The following ERBB4 variants were observed in gnomAD, a reference collection of about 807,000 sequenced individuals.
ERBB4 encodes receptor tyrosine-protein kinase erbB-4.
In ERBB4, 42 loss-of-function variants were observed where a neutral mutation model predicts 158.0. The observed-to-expected ratio is 0.27, with a 90% CI of 0.21 to 0.34. ERBB4 has a LOEUF of 0.34. Among genes scored for constraint, ERBB4 ranks in the 10% least tolerant of loss-of-function variants. The pLI, the probability that ERBB4 is intolerant of heterozygous loss-of-function variation, is 1.00. For synonymous variants in ERBB4, 583 were observed against 558.7 expected, an observed-to-expected ratio of 1.04 and a Z score of -0.61; for missense variants, 1,333 against 1,624.1, an observed-to-expected ratio of 0.82 and a Z score of 3.08.
chr2:212,340,187 C>A (rs2088638054), intron 1 of ERBB4, among the ~76,000 whole-genome samples: 1 of 151,978 alleles, frequency 6.6e-6, no homozygotes, highest in African/African-American at 2.4e-5. Context: ...AGTTGAGAGC[C>A]ACCACACCCA....
intron 1 of ERBB4, among the ~76,000 whole-genome samples, chr2:212,448,723 T>C (rs534854225): frequency 9.9e-5 from 15 of 152,134 alleles, no homozygotes; most frequent in Non-Finnish European, 1.8e-4. Flanking sequence ...TTGTTTATGA[T>C]TCAATTATTT....
intron 2 of ERBB4, among the ~76,000 whole-genome samples, chr2:212,075,964 T>C (rs2078262017): frequency 6.6e-6 from 1 of 151,936 alleles, no homozygotes; most frequent in Non-Finnish European, 1.5e-5. Flanking sequence ...GAATATGTCT[T>C]ACTTTTTTGT....
At chr2:211,390,518 T>G (rs955638303) in intron 25 of ERBB4, among the ~76,000 whole-genome samples, 1 of 152,252 alleles carries the variant, frequency 6.6e-6, no homozygotes, top group African/African-American at 2.4e-5. Flanking sequence ...TTTTGCATTT[T>G]ACAAAACCTG....
rs1491199974 is a variant in ERBB4 at position 212,446,578 on chromosome 2, C to CATAT, written c.82+91867_82+91870dup. ...TGTAAGTTAATACTTAATAAACTCC[C>CATAT]ATATATATATATGTATATATATATA... On this transcript the variant is annotated intron_variant, in intron 1 of 27. Coordinates refer to ENST00000342788, the MANE Select transcript of ERBB4 (RefSeq NM_005235.3). 2.5e-3 allele frequency among the ~76,000 whole-genome samples: 144 copies of CATAT among 57,212 alleles called. 26 individuals carry two copies. The highest frequency in any genetic ancestry group is 4.3e-3 in the African/African-American group (71 of 16,364). The allele number at this position is 57,212 out of a possible 152,430, so 37.5% of individuals were successfully genotyped here.
chr2:212,192,270 C>G (rs1000595220), intron 1 of ERBB4, among the ~76,000 whole-genome samples: 3 of 116,882 alleles, frequency 2.6e-5, no homozygotes, highest in African/African-American at 9.4e-5. Context: ...ACTCTGTCTG[C>G]AAACTCAAGA....
intron 2 of ERBB4, among the ~76,000 whole-genome samples, chr2:212,110,241 A>G (rs1462629415): frequency 6.6e-6 from 1 of 152,206 alleles, no homozygotes; most frequent in East Asian, 1.9e-4. Flanking sequence ...TGTGGAGCTC[A>G]TTTAGCATTT....
intron 12 of ERBB4, among the ~76,000 whole-genome samples, chr2:211,684,697 C>T (rs942002848): frequency 3.9e-5 from 6 of 152,166 alleles, no homozygotes; most frequent in Admixed American, 6.5e-5. Context: ...TCATGTCCTG[C>T]ATGCCAGAGA....
At chr2:212,198,678 G>A (rs1304400593) in intron 1 of ERBB4, among the ~76,000 whole-genome samples, 4 of 150,328 alleles carry the variant, frequency 2.7e-5, no homozygotes, top group Non-Finnish European at 4.4e-5. Context: ...GGGTTCAAGC[G>A]ATTCTCCTGG....
At chr2:211,571,041 C>CTTTTTTTTTTT (rs549254649) in intron 19 of ERBB4, among the ~76,000 whole-genome samples, 11 of 109,076 alleles carry the variant, frequency 1.0e-4, no homozygotes, top group African/African-American at 2.5e-4. Flanking sequence ...TACTCTTCTT[C>CTTTTTTTTTTT]TTTTTTTTTT....
At chr2:211,611,237 G>C (rs114063987) in intron 19 of ERBB4, among the ~76,000 whole-genome samples, 4,443 of 151,978 alleles carry the variant, frequency 0.029, 199 homozygotes, top group African/African-American at 0.1. Context: ...TTAAGCTACA[G>C]CTGCAGCCTG....
At chr2:212,530,092 G>A (rs1281841200) in intron 1 of ERBB4, among the ~76,000 whole-genome samples, 2 of 152,104 alleles carry the variant, frequency 1.3e-5, no homozygotes, top group African/African-American at 4.8e-5. Context: ...GATAATATTA[G>A]AAATGGTAAT....
At chr2:212,064,299 A>C (rs1390865698) in intron 2 of ERBB4, among the ~76,000 whole-genome samples, 1 of 152,172 alleles carries the variant, frequency 6.6e-6, no homozygotes, top group Non-Finnish European at 1.5e-5. Flanking sequence ...GAAGTTTAAA[A>C]TATGGGCAGT....
At chr2:212,339,862 T>C (rs1018588133) in intron 1 of ERBB4, among the ~76,000 whole-genome samples, 2 of 152,072 alleles carry the variant, frequency 1.3e-5, no homozygotes, top group African/African-American at 4.8e-5. Flanking sequence ...CTATAATTCC[T>C]AGGGAAAAAG....
chr2:211,593,989 C>T (rs767185121), intron 19 of ERBB4, among the ~76,000 whole-genome samples: 66 of 152,294 alleles, frequency 4.3e-4, no homozygotes, highest in Non-Finnish European at 7.6e-4. Context: ...GACTCACAAC[C>T]TGGTATCTCT....
At chr2:211,912,836 G>C (rs1309266317) in intron 3 of ERBB4, among the ~76,000 whole-genome samples, 1 of 152,124 alleles carries the variant, frequency 6.6e-6, no homozygotes, top group Non-Finnish European at 1.5e-5. Flanking sequence ...CACTTTTAAA[G>C]ACCTGAAAAG....
At chr2:212,051,857 T>C (rs937200706) in intron 2 of ERBB4, among the ~76,000 whole-genome samples, 1 of 152,156 alleles carries the variant, frequency 6.6e-6, no homozygotes, top group Non-Finnish European at 1.5e-5. Flanking sequence ...CATTCTTAAA[T>C]TACACCACAC....
chr2:212,284,535 A>G (rs2085885792), intron 1 of ERBB4, among the ~76,000 whole-genome samples: 1 of 152,230 alleles, frequency 6.6e-6, no homozygotes, highest in Admixed American at 6.5e-5. Context: ...CATAAGGCCC[A>G]ATTGATAAAA....
intron 3 of ERBB4, among the ~76,000 whole-genome samples, chr2:211,828,422 G>T (rs1258514885): frequency 1.3e-5 from 2 of 152,080 alleles, no homozygotes; most frequent in Non-Finnish European, 2.9e-5. Context: ...CAGAGCCTGT[G>T]GCATGCCTCC....
At chr2:212,359,268 A>G (rs1156630220) in intron 1 of ERBB4, among the ~76,000 whole-genome samples, 1 of 151,528 alleles carries the variant, frequency 6.6e-6, no homozygotes, top group East Asian at 1.9e-4. Flanking sequence ...AAAAACTTGT[A>G]TATATATACA....
Sources: gnomAD v4.1 joint callset for allele counts (sites outside exome capture counted in the v4.1 genomes callset) on GRCh38, gnomAD v4.1.1 for gene constraint, MANE v1.5 for transcripts, NCBI Gene and HGNC (gene_info 2026-07-23, HGNC 2026-07-21) for gene names.